ROBO2: variants seen among roughly 807,000 people sequenced by gnomAD.
The protein encoded by ROBO2 is roundabout homolog 2.
ROBO2 carries 53 observed loss-of-function variants against 160.8 expected under a neutral mutation model. That is an observed-to-expected ratio of 0.33 (90% confidence interval 0.26 to 0.41). The LOEUF (loss-of-function observed/expected upper bound fraction) is 0.41. Ranked by LOEUF, ROBO2 falls within the 10% of genes least tolerant of loss-of-function variation. The pLI is 1.00. For synonymous variants in ROBO2, 664 were observed against 611.7 expected, an observed-to-expected ratio of 1.09 and a Z score of -1.26; for missense variants, 1,577 against 1,722.4, an observed-to-expected ratio of 0.92 and a Z score of 1.49.
At position 77,558,218 on chromosome 3, in the gene ROBO2, T is replaced by C. The variant is rs148392117; in HGVS notation, c.1437+69T>C. ...AGTACTGCTCTATGGAAAAATTGCA[T>C]AGTGAACTTAAAATCTTACATCCTA... On this transcript the variant is annotated intron_variant, in intron 9 of 25. Coordinates refer to ENST00000461745, the Ensembl canonical transcript of ROBO2. 1.3e-3 allele frequency: 1,678 copies of C among 1,284,310 alleles called. 17 individuals are homozygous for C. In the African/African-American group the frequency reaches 0.021, roughly 16 times the overall value. The allele number at this position is 1,284,310 out of a possible 1,614,324, so 79.6% of individuals were successfully genotyped here.
At chr3:76,798,129 GAAA>G (rs1560579409) in intron 2 of ROBO2, among the ~76,000 whole-genome samples, 4 of 82,104 alleles carry the variant, frequency 4.9e-5, no homozygotes, top group African/African-American at 1.8e-4. Context: ...AAAGAAGAAA[GAAA>G]GAAGAAAGAG....
chr3:77,482,048 T>A (rs891828143), intron 4 of ROBO2, among the ~76,000 whole-genome samples: 2 of 152,192 alleles, frequency 1.3e-5, no homozygotes, highest in Non-Finnish European at 2.9e-5. Flanking sequence ...TAAATCTCTG[T>A]ATAGACATAC....
chr3:77,643,857 T>A (rs2095382115), intron 24 of ROBO2, among the ~76,000 whole-genome samples: 1 of 152,142 alleles, frequency 6.6e-6, no homozygotes, highest in Admixed American at 6.6e-5. Context: ...TAGTGAAACA[T>A]TTAGAAAGGT....
intron 2 of ROBO2, among the ~76,000 whole-genome samples, chr3:77,289,951 AGAT>A (rs2060977486): frequency 3.3e-5 from 5 of 152,168 alleles, no homozygotes; most frequent in Admixed American, 3.3e-4. Flanking sequence ...AGCTGAGGCT[AGAT>A]CACCCCAGAC....
At chr3:77,089,042 A>C (rs1462044840) in intron 1 of ROBO2, among the ~76,000 whole-genome samples, 1 of 152,194 alleles carries the variant, frequency 6.6e-6, no homozygotes, top group Non-Finnish European at 1.5e-5. Context: ...TGGGATGAAT[A>C]AATAGTACAA....
rs568770369 is a variant in ROBO2 at position 77,182,384 on chromosome 3, A to C, written c.388+84044A>C. Among the ~76,000 whole-genome samples the C allele has an allele frequency of 3.3e-5, 5 of 152,216 alleles. No individual in the cohort carries two copies. In the South Asian group the frequency reaches 8.3e-4, roughly 25 times the overall value. On this transcript the variant is annotated intron_variant, in intron 2 of 25. Transcript: ENST00000461745. ...AGGATCGCTTGTCTAGGAGGAGAGA[A>C]AGACATGTAAATAAATGATTGTAGA...
chr3:76,166,585 C>T lies in ROBO2; in HGVS notation c.109+228983C>T, dbSNP rs531186165. Among the ~76,000 whole-genome samples, 108 of 152,136 alleles carry T rather than the reference C, an allele frequency of 7.1e-4. 1 individual carries two copies. The highest frequency in any genetic ancestry group is 2.4e-3 in the African/African-American group (99 of 41,506). On this transcript the variant is annotated intron_variant, in intron 2 of 26. Transcript: ENST00000487694. ...GCCTAACTATCCAGCTACCTAACTC[C>T]GAAATTCAGGCAGTTGAGATTCAAT...
intron 2 of ROBO2, among the ~76,000 whole-genome samples, chr3:77,382,935 C>T (rs2073697305): frequency 6.6e-6 from 1 of 152,124 alleles, no homozygotes; most frequent in Non-Finnish European, 1.5e-5. Flanking sequence ...TAGTTGCCAA[C>T]ATGCCAACAA....
intron 8 of ROBO2, among the ~76,000 whole-genome samples, chr3:77,556,818 C>T (rs868022636): frequency 5.1e-4 from 77 of 151,668 alleles, no homozygotes; most frequent in Admixed American, 4.6e-4. Flanking sequence ...TTATATACTA[C>T]ATGTATTTTA....
chr3:77,282,401 A>G (rs2060299806), intron 2 of ROBO2, among the ~76,000 whole-genome samples: 1 of 152,092 alleles, frequency 6.6e-6, no homozygotes, highest in Admixed American at 6.6e-5. Context: ...AAATTTTACT[A>G]AGTGACCAGA....
intron 2 of ROBO2, among the ~76,000 whole-genome samples, chr3:76,779,091 C>T (rs1687216544): frequency 6.6e-6 from 1 of 150,926 alleles, no homozygotes; most frequent in Admixed American, 6.6e-5. Flanking sequence ...AGAAAAGACA[C>T]CAAAGTGTTC....
At position 77,572,638 on chromosome 3, in the gene ROBO2, C is replaced by CAA. The variant is rs71665549; in HGVS notation, c.1972-1860_1972-1859insAA. ...AACTGGAATTAGCCGTACATAGAAA[C>CAA]ACACACACACACACACACACACACA... On this transcript the variant is annotated intron_variant, in intron 13 of 25. Transcript: ENST00000461745. 8.2e-5 allele frequency among the ~76,000 whole-genome samples: 9 copies of CAA among 109,396 alleles called. No homozygotes were observed. The East Asian group carries it at 2.5e-3, about 30-fold the overall frequency. 71.8% of individuals were successfully genotyped at this position (109,396 alleles called of 152,430 possible).
chr3:76,335,178 G>T lies in ROBO2; in HGVS notation c.109+397576G>T, dbSNP rs868060614. ...CACCACATCCAAACTTTTCTGTTTTGTTTTTTTTTTTTTTTTTTTTTTTGA... is the reference window on the plus strand; with the variant it reads ...CACCACATCCAAACTTTTCTGTTTTTTTTTTTTTTTTTTTTTTTTTTTTGA... On this transcript the variant is annotated intron_variant, in intron 2 of 26. Coordinates refer to the ROBO2 transcript ENST00000487694. Among the ~76,000 whole-genome samples, 453 of 77,920 alleles carry T rather than the reference G, an allele frequency of 5.8e-3. 5 individuals carry two copies. The highest frequency in any genetic ancestry group is 0.016 in the African/African-American group (326 of 20,000). 51.1% of individuals were successfully genotyped at this position (77,920 alleles called of 152,430 possible).
At chr3:76,947,952 G>A (rs1000862336) in intron 2 of ROBO2, among the ~76,000 whole-genome samples, 7 of 151,996 alleles carry the variant, frequency 4.6e-5, no homozygotes, top group South Asian at 2.1e-4. Context: ...TTCTGTGCTC[G>A]CCATTACTTA....
chr3:77,141,230 C>T (rs977145015), intron 2 of ROBO2, among the ~76,000 whole-genome samples: 1 of 152,116 alleles, frequency 6.6e-6, no homozygotes, highest in Non-Finnish European at 1.5e-5. Flanking sequence ...TGTGTTGTAG[C>T]TGAGCAGTAC....
At chr3:77,018,804 G>A (rs1031210544) in intron 2 of ROBO2, among the ~76,000 whole-genome samples, 2 of 152,174 alleles carry the variant, frequency 1.3e-5, no homozygotes, top group African/African-American at 4.8e-5. Flanking sequence ...GATTCCTAGA[G>A]TAGTAAAATT....
chr3:77,577,201 A>T (rs573022014), intron 14 of ROBO2, among the ~76,000 whole-genome samples: 1 of 152,242 alleles, frequency 6.6e-6, no homozygotes, highest in East Asian at 1.9e-4. Context: ...GCAAGCATTA[A>T]ACCTGACACT....
At chr3:77,529,796 A>T (rs1394618306) in intron 6 of ROBO2, among the ~76,000 whole-genome samples, 1 of 151,924 alleles carries the variant, frequency 6.6e-6, no homozygotes. Context: ...ATCTCAAATG[A>T]CTTATGACAA....
intron 2 of ROBO2, among the ~76,000 whole-genome samples, chr3:76,212,692 T>C (rs1339456594): frequency 6.6e-6 from 1 of 152,124 alleles, no homozygotes; most frequent in Non-Finnish European, 1.5e-5. Flanking sequence ...TGATTCATCA[T>C]TAAGGTCAGA....
Sources: gnomAD v4.1 joint callset for allele counts (sites outside exome capture counted in the v4.1 genomes callset) on GRCh38, gnomAD v4.1.1 for gene constraint, MANE v1.5 for transcripts, NCBI Gene and HGNC (gene_info 2026-07-23, HGNC 2026-07-21) for gene names.